The following PRKG1 variants were observed in gnomAD, a reference collection of about 807,000 sequenced individuals.
PRKG1 encodes cGMP-dependent protein kinase 1.
In PRKG1, 35 loss-of-function variants were observed where a neutral mutation model predicts 88.1. That is an observed-to-expected ratio of 0.40 (90% confidence interval 0.30 to 0.53). The LOEUF (loss-of-function observed/expected upper bound fraction) is 0.53. Ranked by LOEUF, PRKG1 falls within the 20% of genes least tolerant of loss-of-function variation. The probability of loss-of-function intolerance (pLI) is 0.59; values close to 1 mark genes in which losing one functional copy is unlikely to be tolerated. For synonymous variants in PRKG1, 303 were observed against 292.5 expected, an observed-to-expected ratio of 1.04 and a Z score of -0.37; for missense variants, 540 against 839.8, an observed-to-expected ratio of 0.64 and a Z score of 4.41.
intron 5 of PRKG1, among the ~76,000 whole-genome samples, chr10:51,934,680 T>C (rs1842766215): frequency 1.3e-5 from 2 of 152,150 alleles, no homozygotes; most frequent in African/African-American, 4.8e-5. Context: ...CTACCGTCTG[T>C]CTGTGACGTC....
At chr10:52,085,217 A>T (rs906666932) in intron 7 of PRKG1, among the ~76,000 whole-genome samples, 1 of 152,048 alleles carries the variant, frequency 6.6e-6, no homozygotes, top group Non-Finnish European at 1.5e-5. Flanking sequence ...ACTCTTAAAG[A>T]GCATGCAAAT....
chr10:52,135,529 T>G (rs1339744281), intron 8 of PRKG1, among the ~76,000 whole-genome samples: 1 of 152,062 alleles, frequency 6.6e-6, no homozygotes, highest in African/African-American at 2.4e-5. Flanking sequence ...TAAATTCAGT[T>G]GGTGATTATG....
At chr10:50,995,929 A>G (rs7083536) in intron 1 of PRKG1, among the ~76,000 whole-genome samples, 133,068 of 152,218 alleles carry the variant, frequency 0.87, 58,271 homozygotes, top group East Asian at 0.94. Flanking sequence ...TGCCCCAGAA[A>G]ACTCATTACC....
rs201460392 is a variant in PRKG1 at position 52,166,839 on chromosome 10, G to A, written c.1076+4876G>A. On this transcript the variant is annotated intron_variant, in intron 9 of 17. Transcript: ENST00000373980. Reference sequence around the variant, plus strand: ...TATATGTATATATATGTATATATATGTATATATATGTCTATATATATATCT... The same window carrying A: ...TATATGTATATATATGTATATATATATATATATATGTCTATATATATATCT... Among the ~76,000 whole-genome samples, 152 of 90,448 alleles carry A rather than the reference G, an allele frequency of 1.7e-3. 6 individuals carry two copies. Among genetic ancestry groups the A allele is most frequent in the African/African-American group, 5.0e-3 (106 of 21,142 alleles). The allele number at this position is 90,448 out of a possible 152,430, so 59.3% of individuals were successfully genotyped here.
chr10:51,118,065 G>A (rs761545237), intron 1 of PRKG1, among the ~76,000 whole-genome samples: 3 of 152,152 alleles, frequency 2.0e-5, no homozygotes, highest in Non-Finnish European at 4.4e-5. Context: ...GGGAAGGGAA[G>A]TTGAATTACA....
Position 52,288,714 on chromosome 10 carries a change from T to C in PRKG1, c.1710-12T>C. ...AAAGTAATATCTCTTGTCGTGTCTC[T>C]CATTCTTGCAGCCCACCTTTCTCAG... On this transcript the variant is annotated splice_polypyrimidine_tract_variant and intron_variant, in intron 14 of 17. Transcript: ENST00000373980. 1 of 1,571,128 alleles carries C rather than the reference T, an allele frequency of 6.4e-7. No individual in the cohort carries two copies. The highest frequency in any genetic ancestry group is 8.6e-7 in the Non-Finnish European group (1 of 1,166,464).
At chr10:51,216,904 T>A (rs1196933294) in intron 2 of PRKG1, among the ~76,000 whole-genome samples, 2 of 152,188 alleles carry the variant, frequency 1.3e-5, no homozygotes, top group Non-Finnish European at 2.9e-5. Flanking sequence ...TTCCCCCAAA[T>A]GCTTCTAGAC....
intron 4 of PRKG1, among the ~76,000 whole-genome samples, chr10:51,906,881 T>C (rs947330339): frequency 1.3e-5 from 2 of 152,202 alleles, no homozygotes; most frequent in African/African-American, 4.8e-5. Flanking sequence ...TCTTTCAGGG[T>C]ATGCTATCTG....
At chr10:51,257,107 G>A (rs1250744331) in intron 2 of PRKG1, among the ~76,000 whole-genome samples, 1 of 151,650 alleles carries the variant, frequency 6.6e-6, no homozygotes, top group African/African-American at 2.4e-5. Context: ...AAATTCCTAG[G>A]TGTCGAGCTT....
chr10:52,221,022 G>A (rs1304577573), intron 9 of PRKG1, among the ~76,000 whole-genome samples: 1 of 152,016 alleles, frequency 6.6e-6, no homozygotes, highest in Non-Finnish European at 1.5e-5. Context: ...CACCAACAGT[G>A]TATAAGCATT....
chr10:51,643,180 G>A (rs1043786816), intron 3 of PRKG1, among the ~76,000 whole-genome samples: 2 of 152,096 alleles, frequency 1.3e-5, no homozygotes, highest in Non-Finnish European at 2.9e-5. Flanking sequence ...TTCAGTAACA[G>A]GTGTCATATT....
chr10:52,161,372 T>A (rs1321751105), intron 8 of PRKG1, among the ~76,000 whole-genome samples: 1 of 152,092 alleles, frequency 6.6e-6, no homozygotes, highest in Admixed American at 6.6e-5. Flanking sequence ...GTATTCTTCA[T>A]ATTTATTTTG....
rs1244591050 is a variant in PRKG1 at position 51,820,763 on chromosome 10, G to A, written c.698+16073G>A. Among the ~76,000 whole-genome samples the A allele has an allele frequency of 4.6e-5, 7 of 152,262 alleles. No homozygotes were observed. In the East Asian group the frequency reaches 5.8e-4, roughly 13 times the overall value. On this transcript the variant is annotated intron_variant, in intron 4 of 17. Coordinates refer to ENST00000373980, the MANE Select transcript of PRKG1 (RefSeq NM_006258.4). ...ACTGTACGCACTGGGTTTTCATGTG[G>A]ATAAAGAAGATTCTCATAGATCTTT... is the stretch of plus-strand genomic sequence containing the variant.
chr10:52,084,598 C>T (rs1018720143), intron 7 of PRKG1, among the ~76,000 whole-genome samples: 2 of 152,026 alleles, frequency 1.3e-5, no homozygotes, highest in African/African-American at 2.4e-5. Flanking sequence ...CAGATATATA[C>T]TTTTTTCCTG....
At chr10:51,668,825 A>C (rs1840485735) in intron 3 of PRKG1, among the ~76,000 whole-genome samples, 1 of 152,256 alleles carries the variant, frequency 6.6e-6, no homozygotes, top group Non-Finnish European at 1.5e-5. Flanking sequence ...CAATTCAGAA[A>C]GCATCTCAAT....
intron 3 of PRKG1, among the ~76,000 whole-genome samples, chr10:51,712,545 T>C (rs1475410260): frequency 3.9e-5 from 6 of 151,942 alleles, no homozygotes; most frequent in Admixed American, 3.9e-4. Context: ...TACAACTCTG[T>C]CTTTTTTATA....
At chr10:51,655,961 T>C (rs1224344628) in intron 3 of PRKG1, among the ~76,000 whole-genome samples, 1 of 152,086 alleles carries the variant, frequency 6.6e-6, no homozygotes, top group African/African-American at 2.4e-5. Context: ...AGATTTGGAG[T>C]CTTGGAGACA....
At chr10:51,881,175 G>A (rs546335311) in intron 4 of PRKG1, among the ~76,000 whole-genome samples, 38 of 151,868 alleles carry the variant, frequency 2.5e-4, no homozygotes, top group Admixed American at 2.0e-4. Context: ...CGCATGAAGG[G>A]GAGAGGGCTG....
At chr10:51,384,824 A>G (rs1837209859) in intron 2 of PRKG1, among the ~76,000 whole-genome samples, 1 of 152,196 alleles carries the variant, frequency 6.6e-6, no homozygotes. Flanking sequence ...TTATAATGAT[A>G]CCAACTACAC....
Sources: gnomAD v4.1 joint callset for allele counts (sites outside exome capture counted in the v4.1 genomes callset) on GRCh38, gnomAD v4.1.1 for gene constraint, MANE v1.5 for transcripts, NCBI Gene and HGNC (gene_info 2026-07-23, HGNC 2026-07-21) for gene names.